The following KDM1A variants were observed in gnomAD, a reference collection of about 807,000 sequenced individuals.
KDM1A encodes the protein lysine demethylase 1A, also known as lysine-specific histone demethylase 1A.
Under a neutral mutation model 109.4 loss-of-function variants are expected in KDM1A, and 49 were observed. The observed-to-expected ratio is 0.45, with a 90% CI of 0.36 to 0.57. The LOEUF is 0.57. Ranked by LOEUF, KDM1A falls within the 20% of genes least tolerant of loss-of-function variation. The pLI is 0.00. For synonymous variants in KDM1A, 380 were observed against 415.4 expected (o/e 0.91, Z 1.04); for missense variants, 668 against 1,116.6 (o/e 0.60, Z 5.73).
chr1:23,023,561 C>T (rs1156847523), intron 1 of KDM1A, among the ~76,000 whole-genome samples: 17 of 152,238 alleles, frequency 1.1e-4, no homozygotes, highest in Admixed American at 7.2e-4. Context: ...TATATATTTC[C>T]GTCCATTCCA....
At chr1:23,057,656 G>A (rs757433642) in intron 8 of KDM1A, 91 bp downstream of exon 8, 16 of 905,340 alleles carry the variant, frequency 1.8e-5, no homozygotes, top group Non-Finnish European at 2.9e-5. Flanking sequence ...AAATGTATTG[G>A]TTTAGAATAG....
rs908063931 is a variant in KDM1A, at chr1:23,066,207, G to A, written c.1179+136G>A. ...CACTGGTTTGTTGTTGTAGAGTTGC[G>A]CCTATATGTTGGGCTGGTGCCATTT... On this transcript the variant is annotated intron_variant, in intron 10 of 20. Coordinates refer to ENST00000400181, the MANE Select transcript of KDM1A (RefSeq NM_001009999.3). 71 of 657,666 alleles carry A rather than the reference G, an allele frequency of 1.1e-4. No individual in the cohort carries two copies. The African/African-American group carries it at 1.1e-3, about 11-fold the overall frequency. The allele number at this position is 657,666 out of a possible 1,614,324, so 40.7% of individuals were successfully genotyped here. A position where few individuals can be genotyped will look rare whatever the true frequency, so the allele number is the denominator to read the frequency against.
intron 1 of KDM1A, among the ~76,000 whole-genome samples, chr1:23,026,790 A>C (rs1271398833): frequency 6.6e-6 from 1 of 152,210 alleles, no homozygotes; most frequent in African/African-American, 2.4e-5. Flanking sequence ...TTTAAATTTC[A>C]GAGTCATCAA....
intron 15 of KDM1A, among the ~76,000 whole-genome samples, chr1:23,074,208 C>G (rs961006687): frequency 5.3e-5 from 8 of 152,210 alleles, no homozygotes; most frequent in Admixed American, 2.6e-4. Flanking sequence ...TAGAGCAACT[C>G]TTCCTGAGCT....
At chr1:23,080,710 C>A (rs1643594599) in intron 18 of KDM1A, among the ~76,000 whole-genome samples, 1 of 152,160 alleles carries the variant, frequency 6.6e-6, no homozygotes, top group South Asian at 2.1e-4. Context: ...GCTGCTTCTC[C>A]CACCCCCTCG....
intron 9 of KDM1A, among the ~76,000 whole-genome samples, chr1:23,065,154 A>G (rs543544489): frequency 2.9e-4 from 44 of 152,170 alleles, no homozygotes; most frequent in Non-Finnish European, 5.0e-4. Context: ...ATTGTGACCT[A>G]TGTTTAGCGA....
chr1:23,071,958 A>AC (rs1643333201), intron 13 of KDM1A, among the ~76,000 whole-genome samples, 166 bp from the exon 14 acceptor site: 3 of 151,980 alleles, frequency 2.0e-5, no homozygotes, highest in African/African-American at 7.3e-5. Context: ...TGTCTCCAAA[A>AC]ACAAAAATCT....
chr1:23,020,156 G>C (rs148150162), intron 1 of KDM1A: 2 of 466,830 alleles, frequency 4.3e-6, no homozygotes, highest in South Asian at 1.2e-4. Flanking sequence ...CTTTGTGCTG[G>C]GTCCCGAGCG....
intron 15 of KDM1A, among the ~76,000 whole-genome samples, chr1:23,074,863 G>A (rs1643418285): frequency 6.6e-6 from 1 of 152,172 alleles, no homozygotes; most frequent in South Asian, 2.1e-4. Context: ...TGAGTATTTA[G>A]GGTTGTCTTT....
chr1:23,071,281 T>C lies in KDM1A; in HGVS notation c.1470T>C (p.Ser490=). ...KELHQQYKEA[S]EVKPPRDITA... ...TCCATCAGCAATACAAAGAAGCATC[T>C]GAAGTAAAGCCACCCAGAGATATTA... is the stretch of plus-strand genomic sequence containing the variant. The change falls in exon 13 of 21, where the codon TCT becomes TCC. Residue 490 remains serine (S), a synonymous_variant. Coordinates refer to ENST00000400181, the MANE Select transcript of KDM1A (RefSeq NM_001009999.3). 1 of 1,611,990 alleles carries C rather than the reference T, an allele frequency of 6.2e-7. No individual in the cohort carries two copies. The highest frequency in any genetic ancestry group is 8.5e-7 in the Non-Finnish European group (1 of 1,179,176).
chr1:23,019,501 G>A lies in KDM1A; in HGVS notation c.-96G>A. On this transcript the variant is annotated 5_prime_UTR_variant, in exon 1 of 21. Transcript: ENST00000400181. ...CGTACGCGACGGCGGTTGGCGGCGC[G>A]CGGGCAGCGTGAAGCGAGGCGAGGC... The A allele has an allele frequency of 8.5e-6, 11 of 1,299,722 alleles. No individual in the cohort carries two copies. Among genetic ancestry groups the A allele is most frequent in the Non-Finnish European group, 8.8e-6 (9 of 1,024,634 alleles). 80.5% of individuals were successfully genotyped at this position (1,299,722 alleles called of 1,614,324 possible).
At chr1:23,059,355 T>C in intron 9 of KDM1A, 188 bp downstream of exon 9, 1 of 679,476 alleles carries the variant, frequency 1.5e-6, no homozygotes, top group Non-Finnish European at 2.8e-6. Context: ...AGGAAAGGAT[T>C]ATTGTATATA....
intron 15 of KDM1A, among the ~76,000 whole-genome samples, chr1:23,076,694 G>A (rs750850032): frequency 2.0e-5 from 3 of 152,126 alleles, no homozygotes; most frequent in Admixed American, 6.6e-5. Flanking sequence ...AGGGAAGGCC[G>A]AGCGTGGTGG....
intron 1 of KDM1A, among the ~76,000 whole-genome samples, chr1:23,022,648 C>CTTTTTT (rs58124287): frequency 5.2e-4 from 19 of 36,836 alleles, no homozygotes; most frequent in Admixed American, 1.4e-3. Flanking sequence ...CCTTCTTCTT[C>CTTTTTT]TTTTTTTTTT....
At chr1:23,053,112 G>C (rs946726264) in intron 4 of KDM1A, among the ~76,000 whole-genome samples, 5 of 152,086 alleles carry the variant, frequency 3.3e-5, no homozygotes, top group African/African-American at 1.2e-4. Flanking sequence ...ATATCTAGTT[G>C]ATCATTAGAT....
chr1:23,034,537 A>G (rs1043758640), intron 2 of KDM1A, among the ~76,000 whole-genome samples: 1 of 152,142 alleles, frequency 6.6e-6, no homozygotes, highest in Non-Finnish European at 1.5e-5. Flanking sequence ...TGTACCTTAC[A>G]TTATTTTCCT....
intron 4 of KDM1A, among the ~76,000 whole-genome samples, chr1:23,052,018 C>T (rs1215995779): frequency 2.0e-5 from 3 of 152,060 alleles, no homozygotes; most frequent in Admixed American, 1.3e-4. Context: ...AACATTTGCT[C>T]TAAGTGGATT....
intron 6 of KDM1A, among the ~76,000 whole-genome samples, chr1:23,055,695 A>G (rs1030120438): frequency 6.6e-6 from 1 of 152,234 alleles, no homozygotes; most frequent in South Asian, 2.1e-4. Context: ...GTAATGAGAA[A>G]ATAAATCTTA....
chr1:23,058,243 T>C (rs771752370), intron 8 of KDM1A, among the ~76,000 whole-genome samples: 1 of 152,106 alleles, frequency 6.6e-6, no homozygotes, highest in Non-Finnish European at 1.5e-5. Flanking sequence ...CAGGCTGATC[T>C]GAATTCCTGG....
Sources: allele counts gnomAD v4.1 joint callset (sites outside exome capture counted in the v4.1 genomes callset), GRCh38; gene constraint gnomAD v4.1.1; transcripts MANE v1.5; gene names NCBI Gene and HGNC (gene_info 2026-07-23, HGNC 2026-07-21).